The following ITGB1BP1 variants were observed in gnomAD, a reference collection of about 807,000 sequenced individuals.
ITGB1BP1 encodes the protein integrin beta-1-binding protein 1.
Under a neutral mutation model 28.0 loss-of-function variants are expected in ITGB1BP1, and 20 were observed. The observed-to-expected ratio is 0.71, with a 90% CI of 0.50 to 1.04. ITGB1BP1 has a LOEUF of 1.04. ITGB1BP1 is among the 50% of genes least tolerant of loss of function. The pLI, the probability that ITGB1BP1 is intolerant of heterozygous loss-of-function variation, is 0.00. For synonymous variants in ITGB1BP1, 103 were observed against 89.5 expected, an observed-to-expected ratio of 1.15 and a Z score of -0.85; for missense variants, 228 against 242.5, an observed-to-expected ratio of 0.94 and a Z score of 0.40.
intron 2 of ITGB1BP1, among the ~76,000 whole-genome samples, chr2:9,416,759 C>G (rs756374183): frequency 4.6e-5 from 7 of 152,192 alleles, no homozygotes; most frequent in Non-Finnish European, 7.3e-5. Flanking sequence ...CATTACCTCA[C>G]GCACCTTCAT....
rs1677213644 is a variant in ITGB1BP1, at chr2:9,405,908, A to C, written c.*926T>G. 6.6e-6 allele frequency: 1 copy of C among 152,244 alleles called. No individual in the cohort carries two copies. The highest frequency in any genetic ancestry group is 1.9e-4 in the East Asian group (1 of 5,202). The allele number at this position is 152,244 out of a possible 1,614,324, so 9.4% of individuals were successfully genotyped here. A position where few individuals can be genotyped will look rare whatever the true frequency, so the allele number is the denominator to read the frequency against. Reference sequence around the variant, plus strand: ...CTTAAGTTGGCAATGTCACTGTTCCAGACCAGCATGAATCCTGGTCTCCAG... The same window carrying C: ...CTTAAGTTGGCAATGTCACTGTTCCCGACCAGCATGAATCCTGGTCTCCAG... On this transcript the variant is annotated 3_prime_UTR_variant, in exon 7 of 7. Transcript: ENST00000355346.
At chr2:9,411,249 G>T (rs184699645) in intron 4 of ITGB1BP1, among the ~76,000 whole-genome samples, 28 of 152,194 alleles carry the variant, frequency 1.8e-4, no homozygotes, top group Admixed American at 1.4e-3. Flanking sequence ...TGGAAACCTT[G>T]CATGAATAAA....
Position 9,406,056 on chromosome 2 carries a change from A to G in ITGB1BP1, c.*778T>C, listed in dbSNP as rs938150398. On this transcript the variant is annotated 3_prime_UTR_variant, in exon 7 of 7. Transcript: ENST00000355346. Reference sequence around the variant, plus strand: ...GTGTCACTGAGTGGACCTCTGTGACATCTCGTCTTCCTCAGGCCTTCAGTG... The same window carrying G: ...GTGTCACTGAGTGGACCTCTGTGACGTCTCGTCTTCCTCAGGCCTTCAGTG... 3.2e-5 allele frequency: 4 copies of G among 124,364 alleles called. No individual in the cohort carries two copies. Among genetic ancestry groups the G allele is most frequent in the Non-Finnish European group, 7.2e-5 (4 of 55,884 alleles). The allele number at this position is 124,364 out of a possible 1,614,324, so 7.7% of individuals were successfully genotyped here. A position where few individuals can be genotyped will look rare whatever the true frequency, so the allele number is the denominator to read the frequency against.
In ITGB1BP1 at chr2:9,418,690, C is replaced by A; in HGVS notation, c.8G>T (p.Arg3Leu). The A allele has an allele frequency of 1.2e-6, 2 of 1,613,840 alleles. No homozygotes were observed. Among genetic ancestry groups the A allele is most frequent in the Non-Finnish European group, 1.7e-6 (2 of 1,179,902 alleles). The stretch of plus-strand genomic sequence containing the variant: ...ACTACTGTGTCGTTTTTTGCCCTTG[C>A]GAAACATTTTTCACCACCATTGCTT... The part of the protein sequence containing the change: MF[R>L]KGKKRHSSSS... The change falls in exon 2 of 7, where the codon CGC becomes CTC. Residue 3 changes from arginine to leucine, a missense_variant. Physicochemically the swap from Arg to Leu is moderately radical, Grantham distance 102. This residue lies in a region of ITGB1BP1 where 36 missense variants were observed against 61.0 expected (regional missense o/e 0.59). Transcript: ENST00000355346.
chr2:9,423,022 C>T, intron 1 of ITGB1BP1: 1 of 990,564 alleles, frequency 1.0e-6, no homozygotes, highest in Non-Finnish European at 1.2e-6. Flanking sequence ...GATGTGACAG[C>T]GAAGGGGACA....
At chr2:9,412,957 CT>C (rs1047110669) in intron 3 of ITGB1BP1, among the ~76,000 whole-genome samples, 41 of 152,296 alleles carry the variant, frequency 2.7e-4, no homozygotes, top group Non-Finnish European at 5.1e-4. Flanking sequence ...CATAGTTTGT[CT>C]TTTTAATGTC....
At chr2:9,416,193 G>T (rs1679107694) in intron 2 of ITGB1BP1, among the ~76,000 whole-genome samples, 1 of 152,060 alleles carries the variant, frequency 6.6e-6, no homozygotes, top group South Asian at 2.1e-4. Context: ...CCTCATTTAT[G>T]CCTATTTGAC....
intron 4 of ITGB1BP1, among the ~76,000 whole-genome samples, chr2:9,408,837 G>C (rs980174567): frequency 7.9e-5 from 12 of 152,186 alleles, no homozygotes; most frequent in Non-Finnish European, 1.6e-4. Context: ...CATGCATATT[G>C]TTTGTCTTGG....
At chr2:9,418,601 T>G in intron 2 of ITGB1BP1, 25 bp downstream of exon 2, 1 of 1,474,862 alleles carries the variant, frequency 6.8e-7, no homozygotes, top group Non-Finnish European at 9.5e-7. Context: ...GCTTTATGAT[T>G]CTGTTCCAAA....
At chr2:9,422,553 T>C (rs1470307532) in intron 1 of ITGB1BP1, 14 of 985,382 alleles carry the variant, frequency 1.4e-5, no homozygotes, top group Non-Finnish European at 1.7e-5. Context: ...AGCTTGAGTG[T>C]ACCCCCTGAT....
rs1454703040 is a variant in ITGB1BP1, at chr2:9,403,595, A to G, written c.*3239T>C. ...TGAAAAGTTATTTTAACTATTATAC[A>G]TAATCAAGATCCTGCCTCTACGGAA... On this transcript the variant is annotated 3_prime_UTR_variant, in exon 7 of 7. Transcript: ENST00000355346. 2 of 416,176 alleles carry G rather than the reference A, an allele frequency of 4.8e-6. No individual in the cohort carries two copies. Among genetic ancestry groups the G allele is most frequent in the Non-Finnish European group, 4.3e-6 (1 of 233,388 alleles). 25.8% of individuals were successfully genotyped at this position (416,176 alleles called of 1,614,324 possible). A position where few individuals can be genotyped will look rare whatever the true frequency, so the allele number is the denominator to read the frequency against.
In ITGB1BP1 at chr2:9,404,683, G is replaced by A. The variant is rs975723238; in HGVS notation, c.*2151C>T. 9 of 152,096 alleles carry A rather than the reference G, an allele frequency of 5.9e-5. No individual in the cohort carries two copies. Among genetic ancestry groups the A allele is most frequent in the African/African-American group, 2.2e-4 (9 of 41,276 alleles). 9.4% of individuals were successfully genotyped at this position (152,096 alleles called of 1,614,324 possible). On this transcript the variant is annotated 3_prime_UTR_variant, in exon 7 of 7. Coordinates refer to ENST00000355346, the MANE Select transcript of ITGB1BP1 (RefSeq NM_004763.5). ...AGCAATGCTGTTAACTGCATTTGTT[G>A]TGATGGTGCATTTGATTGAAGCAGC...
intron 4 of ITGB1BP1, among the ~76,000 whole-genome samples, chr2:9,410,062 G>C (rs1349432616): frequency 6.6e-6 from 1 of 151,986 alleles, no homozygotes; most frequent in Non-Finnish European, 1.5e-5. Context: ...AGCCAGGATG[G>C]TCTCTATCTC....
chr2:9,407,899 G>GC (rs907470710), intron 5 of ITGB1BP1: 12 of 568,802 alleles, frequency 2.1e-5, no homozygotes, highest in South Asian at 9.4e-5. Flanking sequence ...TTTGGGGGTG[G>GC]GGGGGGCAGG....
At chr2:9,408,459 C>T in intron 4 of ITGB1BP1, 1 of 344,170 alleles carries the variant, frequency 2.9e-6, no homozygotes, top group Admixed American at 4.4e-5. Flanking sequence ...ATGATCTCAG[C>T]TCGTTGCAAC....
intron 6 of ITGB1BP1, chr2:9,407,159 G>A (rs551831761): frequency 1.4e-4 from 83 of 597,694 alleles, no homozygotes; most frequent in East Asian, 6.1e-4. Context: ...GGGCAACAAC[G>A]TTCGGAAATG....
Position 9,418,626 on chromosome 2 carries a change from C to T in ITGB1BP1, c.72G>A (p.Lys24=). 6.3e-7 allele frequency: 1 copy of T among 1,599,472 alleles called. No homozygotes were observed. The highest frequency in any genetic ancestry group is 8.6e-7 in the Non-Finnish European group (1 of 1,166,662). The stretch of plus-strand genomic sequence containing the variant: ...TCTGTTCCAAATTCCATTTCCCTAC[C>T]TTGCTCTTAGTACTGATTTCGCTAC... ...SQSSEISTKS[K]SVDSSLGGLS... Residue 24 remains lysine (K), a splice_region_variant and synonymous_variant, in exon 2 of 7, where the codon AAG becomes AAA. Coordinates refer to ENST00000355346, the MANE Select transcript of ITGB1BP1 (RefSeq NM_004763.5).
intron 4 of ITGB1BP1, among the ~76,000 whole-genome samples, chr2:9,409,901 A>G (rs989080591): frequency 6.8e-6 from 1 of 146,920 alleles, no homozygotes; most frequent in African/African-American, 2.5e-5. Context: ...CTGGAGTGCA[A>G]TGGCGCGATC....
intron 1 of ITGB1BP1, chr2:9,422,625 G>A (rs1680031669): frequency 1.0e-6 from 1 of 985,552 alleles, no homozygotes; most frequent in Non-Finnish European, 1.2e-6. Context: ...CTGGTCAAAG[G>A]CGGAGCTCGG....
Sources: gnomAD v4.1 joint callset for allele counts (sites outside exome capture counted in the v4.1 genomes callset) on GRCh38, gnomAD v4.1.1 for gene constraint, gnomAD v4.1.1 regional missense constraint, MANE v1.5 for transcripts, NCBI Gene and HGNC (gene_info 2026-07-23, HGNC 2026-07-21) for gene names.